The following COL4A3 variants were observed in gnomAD, a reference collection of about 807,000 sequenced individuals.
The protein encoded by COL4A3 is collagen alpha-3(IV) chain.
Under a neutral mutation model 217.4 loss-of-function variants are expected in COL4A3, and 135 were observed. The ratio of observed to expected loss-of-function variants is 0.62; its 90% CI spans 0.54 to 0.72. The LOEUF (loss-of-function observed/expected upper bound fraction) is 0.72, where lower values mean the gene tolerates loss of function less well. Ranked by LOEUF, COL4A3 falls within the 30% of genes least tolerant of loss-of-function variation. The probability of loss-of-function intolerance (pLI) is 0.00; values close to 1 mark genes in which losing one functional copy is unlikely to be tolerated. For synonymous variants in COL4A3, 690 were observed against 736.3 expected (o/e 0.94, Z 1.02); for missense variants, 1,868 against 2,119.9 (o/e 0.88, Z 2.33).
intron 8 of COL4A3, 93 bp downstream of exon 8, chr2:227,247,677 T>C: frequency 8.1e-7 from 1 of 1,231,014 alleles, no homozygotes; most frequent in Non-Finnish European, 1.2e-6. Context: ...TCATTACAAA[T>C]AAGATTTCAT....
At chr2:227,173,846 T>A (rs1362812615) in intron 1 of COL4A3, among the ~76,000 whole-genome samples, 1 of 152,240 alleles carries the variant, frequency 6.6e-6, no homozygotes, top group Non-Finnish European at 1.5e-5. Flanking sequence ...GTGTATTTTG[T>A]ACTTGCTTCC....
At position 227,279,186 on chromosome 2, in the gene COL4A3, C is replaced by T. The variant is rs141012007; in HGVS notation, c.2126-607C>T. Among the ~76,000 whole-genome samples, 283 of 151,546 alleles carry T rather than the reference C, an allele frequency of 1.9e-3. 2 individuals are homozygous for T. Among genetic ancestry groups the T allele is most frequent in the African/African-American group, 6.6e-3 (273 of 41,298 alleles). On this transcript the variant is annotated intron_variant, in intron 28 of 51. Coordinates refer to ENST00000396578, the MANE Select transcript of COL4A3 (RefSeq NM_000091.5). ...CTCTGCCTCCTGGGTTCAAGCGATT[C>T]TCCTGCCTCAGCCTCCCGAGTAGCT...
chr2:227,169,714 C>A (rs1377040686), intron 1 of COL4A3, among the ~76,000 whole-genome samples: 1 of 152,092 alleles, frequency 6.6e-6, no homozygotes, highest in Non-Finnish European at 1.5e-5. Context: ...TGTTCATGTC[C>A]TTTGCCCACT....
rs371806850 is a variant in COL4A3, at chr2:227,293,325, T to C, written c.3337+8T>C. 4 of 1,613,658 alleles carry C rather than the reference T, an allele frequency of 2.5e-6. No homozygotes were observed. The highest frequency in any genetic ancestry group is 3.4e-6 in the Non-Finnish European group (4 of 1,179,978). On this transcript the variant is annotated splice_region_variant and intron_variant, in intron 38 of 51. Coordinates refer to ENST00000396578, the MANE Select transcript of COL4A3 (RefSeq NM_000091.5). ...GAAGTCCTGGCCTCCCAGGTAAGGC[T>C]TGAGTTTACAATTCTAAAAGCTGGA...
At chr2:227,168,458 TTCTG>T (rs1174342537) in intron 1 of COL4A3, among the ~76,000 whole-genome samples, 2 of 152,224 alleles carry the variant, frequency 1.3e-5, no homozygotes, top group South Asian at 2.1e-4. Flanking sequence ...TAGTGCAACT[TTCTG>T]TCTGTTTATC....
At chr2:227,220,731 T>C (rs2067746657) in intron 1 of COL4A3, among the ~76,000 whole-genome samples, 1 of 152,196 alleles carries the variant, frequency 6.6e-6, no homozygotes, top group South Asian at 2.1e-4. Context: ...CCCAAAGTGC[T>C]GGGATTACAG....
intron 1 of COL4A3, among the ~76,000 whole-genome samples, chr2:227,210,028 T>A (rs982024452): frequency 1.3e-5 from 2 of 152,204 alleles, no homozygotes; most frequent in African/African-American, 2.4e-5. Flanking sequence ...AACACACTTA[T>A]AAGATTGTAA....
At chr2:227,179,585 G>T (rs1256576529) in intron 1 of COL4A3, among the ~76,000 whole-genome samples, 4 of 152,176 alleles carry the variant, frequency 2.6e-5, no homozygotes. Context: ...AGTCAATAAA[G>T]AATTAGTAGT....
Position 227,202,742 on chromosome 2 carries a change from AAAAAATAT to A in COL4A3, c.88-35224_88-35217del, listed in dbSNP as rs1352170440. Reference sequence around the variant, plus strand: ...AGTGCGAGAATCCGTCTCTAAAAAAAAAAAATATATATATATATATATATATATATCAC... The same window carrying A: ...AGTGCGAGAATCCGTCTCTAAAAAAAATATATATATATATATATATATCAC... On this transcript the variant is annotated intron_variant, in intron 1 of 51. Transcript: ENST00000396578. 2.5e-3 allele frequency among the ~76,000 whole-genome samples: 227 copies of A among 90,206 alleles called. 10 individuals carry two copies. The highest frequency in any genetic ancestry group is 6.2e-3 in the East Asian group (22 of 3,566). 59.2% of individuals were successfully genotyped at this position (90,206 alleles called of 152,430 possible). A position where few individuals can be genotyped will look rare whatever the true frequency, so the allele number is the denominator to read the frequency against.
In COL4A3 at chr2:227,298,755, C is replaced by A. The variant is rs143380907; in HGVS notation, c.3825C>A (p.His1275Gln). The A allele has an allele frequency of 5.6e-6, 9 of 1,613,774 alleles. No homozygotes were observed. The African/African-American group carries it at 6.7e-5, about 12-fold the overall frequency. ...GIKGDKGSMG[H>Q]PGPKGPPGTA... is the part of the protein sequence containing the mutation. The stretch of plus-strand genomic sequence containing the variant: ...AAGGAGACAAAGGGTCTATGGGCCA[C>A]CCTGGCCCAAAAGGTCCACCTGGAA... Residue 1275 changes from histidine to glutamine, a missense_variant, in exon 43 of 52, where the codon CAC becomes CAA. By Grantham distance (24) the His-to-Gln change is conservative. This residue lies in a region of COL4A3 where 1,503 missense variants were observed against 1,786.1 expected (regional missense o/e 0.84). Transcript: ENST00000396578.
Position 227,297,438 on chromosome 2 carries a change from T to C in COL4A3, c.3566-236T>C, listed in dbSNP as rs79112287. Among the ~76,000 whole-genome samples, 188 of 152,346 alleles carry C rather than the reference T, an allele frequency of 1.2e-3. 1 individual carries two copies. The highest frequency in any genetic ancestry group is 4.4e-3 in the African/African-American group (182 of 41,580). The stretch of plus-strand genomic sequence containing the variant: ...ATCAAAATTTGTAATAGTAGGTAAA[T>C]CTGAAGTGACTTTGCCAAGATCAGA... On this transcript the variant is annotated intron_variant, in intron 41 of 51. Coordinates refer to ENST00000396578, the MANE Select transcript of COL4A3 (RefSeq NM_000091.5).
chr2:227,228,872 C>T (rs879586146), intron 1 of COL4A3, among the ~76,000 whole-genome samples: 12 of 152,160 alleles, frequency 7.9e-5, no homozygotes, highest in Non-Finnish European at 1.3e-4. Context: ...AAACCCTCAA[C>T]TCAGGAGCAC....
chr2:227,280,096 T>C (rs1044358599), intron 29 of COL4A3, among the ~76,000 whole-genome samples: 9 of 152,256 alleles, frequency 5.9e-5, no homozygotes, highest in African/African-American at 2.2e-4. Context: ...GCAGATTTCA[T>C]CGTGATATCA....
intron 47 of COL4A3, among the ~76,000 whole-genome samples, chr2:227,307,343 T>C (rs1259151295): frequency 6.6e-6 from 1 of 152,226 alleles, no homozygotes; most frequent in East Asian, 1.9e-4. Context: ...TAGACTAAGT[T>C]GTAGATATTT....
At chr2:227,238,217 T>G in intron 2 of COL4A3, 193 bp downstream of exon 2, 2 of 470,516 alleles carry the variant, frequency 4.3e-6, no homozygotes, top group Non-Finnish European at 7.8e-6. Flanking sequence ...AAGCTTCAGA[T>G]ACCTTGTATA....
At position 227,164,653 on chromosome 2, in the gene COL4A3, G is replaced by A; in HGVS notation, c.-74G>A. ...TTTCCAGCCGGGCTCCCAGAGCCGC[G>A]CTGCGCAGGAGACGCGGTGGCCTGA... is the stretch of plus-strand genomic sequence containing the variant. On this transcript the variant is annotated 5_prime_UTR_variant, in exon 1 of 52. Transcript: ENST00000396578. This position sits in a 1 kb window ranked among gnomAD's most constrained non-coding sequence, Gnocchi z 4.8. 2 of 1,525,936 alleles carry A rather than the reference G, an allele frequency of 1.3e-6. No homozygotes were observed. The highest frequency in any genetic ancestry group is 2.3e-4 in the Middle Eastern group (1 of 4,326). The allele number at this position is 1,525,936 out of a possible 1,614,324, so 94.5% of individuals were successfully genotyped here.
chr2:227,271,555 C>G (rs2071247436), intron 25 of COL4A3, among the ~76,000 whole-genome samples: 1 of 149,720 alleles, frequency 6.7e-6, no homozygotes, highest in Non-Finnish European at 1.5e-5. Flanking sequence ...TCACTGCAAC[C>G]TCCATCTCCT....
At chr2:227,237,635 C>T (rs752637099) in intron 1 of COL4A3, 32 of 276,182 alleles carry the variant, frequency 1.2e-4, no homozygotes, top group Non-Finnish European at 2.0e-4. Context: ...ATAGCTTTGT[C>T]GTTTCCATAT....
At chr2:227,169,151 T>G in intron 1 of COL4A3, 1 of 151,122 alleles carries the variant, frequency 6.6e-6, no homozygotes, top group Non-Finnish European at 1.5e-5. Context: ...TTTGGTTTTT[T>G]GTTCTTGCGA....
Sources: gnomAD v4.1 joint callset for allele counts (sites outside exome capture counted in the v4.1 genomes callset) on GRCh38, gnomAD v4.1.1 for gene constraint, gnomAD v4.1.1 regional missense constraint, Gnocchi (gnomAD v3.1) non-coding constraint, MANE v1.5 for transcripts, NCBI Gene and HGNC (gene_info 2026-07-23, HGNC 2026-07-21) for gene names.